The following CIB4 variants were observed in gnomAD, a reference collection of about 807,000 sequenced individuals.
CIB4 encodes calcium and integrin binding family member 4, also known as calcium and integrin-binding family member 4.
A neutral mutation model predicts 25.8 loss-of-function variants in CIB4; 25 were observed. The ratio of observed to expected loss-of-function variants is 0.97; its 90% CI spans 0.71 to 1.35. CIB4 has a LOEUF of 1.35. CIB4 is among the 40% of genes most tolerant of loss of function. The pLI is 0.00. For synonymous variants in CIB4, 75 were observed against 81.4 expected (o/e 0.92, Z 0.42); for missense variants, 235 against 228.2 (o/e 1.03, Z -0.19).
chr2:26,624,034 G>A (rs753093700), intron 3 of CIB4, among the ~76,000 whole-genome samples: 51 of 152,316 alleles, frequency 3.3e-4, no homozygotes, highest in African/African-American at 8.2e-4. Flanking sequence ...TCCTGTCCCC[G>A]TGCGGGACAT....
intron 4 of CIB4, among the ~76,000 whole-genome samples, chr2:26,588,858 A>G (rs1460468015): frequency 1.3e-5 from 2 of 152,158 alleles, no homozygotes; most frequent in African/African-American, 4.8e-5. Context: ...AGGTACAGAG[A>G]GAGGAGAGTG....
chr2:26,633,951 T>G (rs188757485), intron 2 of CIB4, among the ~76,000 whole-genome samples: 2 of 152,186 alleles, frequency 1.3e-5, no homozygotes, highest in Non-Finnish European at 2.9e-5. Flanking sequence ...CCCTCCAGTT[T>G]AGGTATCCTA....
intron 3 of CIB4, among the ~76,000 whole-genome samples, chr2:26,595,552 C>T (rs914181815): frequency 1.1e-4 from 17 of 152,158 alleles, no homozygotes; most frequent in Admixed American, 2.0e-4. Context: ...GCAAGGATGC[C>T]ACAATTGAAG....
rs1184325583 is a variant in CIB4 at position 26,589,072 on chromosome 2, C to CTCT, written c.329-5177_329-5175dup. Among the ~76,000 whole-genome samples, 61 of 40,828 alleles carry CTCT rather than the reference C, an allele frequency of 1.5e-3. 7 individuals carry two copies. Among genetic ancestry groups the CTCT allele is most frequent in the African/African-American group, 7.4e-3 (54 of 7,264 alleles). 26.8% of individuals were successfully genotyped at this position (40,828 alleles called of 152,430 possible). A position where few individuals can be genotyped will look rare whatever the true frequency, so the allele number is the denominator to read the frequency against. ...CTTCTTCTTCTTCCTCTTCCTCTTC[C>CTCT]TCTTCTTCTTCTTCTTCTTCTTCTT... is the stretch of plus-strand genomic sequence containing the variant. On this transcript the variant is annotated intron_variant, in intron 4 of 6. Transcript: ENST00000288861.
chr2:26,608,808 G>A (rs528649530), intron 3 of CIB4, among the ~76,000 whole-genome samples: 11 of 152,220 alleles, frequency 7.2e-5, no homozygotes, highest in African/African-American at 1.9e-4. Context: ...CCCCTGTCTC[G>A]TGGGTGGCCG....
At chr2:26,622,100 C>A (rs1572565535) in intron 3 of CIB4, among the ~76,000 whole-genome samples, 1 of 152,178 alleles carries the variant, frequency 6.6e-6, no homozygotes, top group Non-Finnish European at 1.5e-5. Context: ...GTGGCTCACG[C>A]CTGTAATCCC....
chr2:26,640,758 T>C (rs1179663956), intron 1 of CIB4, among the ~76,000 whole-genome samples, 191 bp from the exon 2 acceptor site: 2 of 152,154 alleles, frequency 1.3e-5, no homozygotes, highest in Non-Finnish European at 2.9e-5. Flanking sequence ...TACCCCCTAG[T>C]CTCTTACAGC....
intron 3 of CIB4, among the ~76,000 whole-genome samples, chr2:26,623,781 C>A (rs1461254406): frequency 6.6e-6 from 1 of 152,236 alleles, no homozygotes; most frequent in Non-Finnish European, 1.5e-5. Flanking sequence ...TCCACCCTAC[C>A]TGCTCCAAGG....
In CIB4 at chr2:26,610,362, C is replaced by T. The variant is rs183706106; in HGVS notation, c.187-15045G>A. ...ACTGCAGCCTCCTCTCACCAATAGC[C>T]GCCTCTCCCCCTGCCCACCCACTGC... On this transcript the variant is annotated intron_variant, in intron 3 of 6. Transcript: ENST00000288861. 2.2e-3 allele frequency among the ~76,000 whole-genome samples: 334 copies of T among 152,316 alleles called. 1 individual carries two copies. Among genetic ancestry groups the T allele is most frequent in the African/African-American group, 7.3e-3 (304 of 41,572 alleles).
chr2:26,632,927 T>C (rs1572573665), intron 2 of CIB4, among the ~76,000 whole-genome samples: 1 of 151,346 alleles, frequency 6.6e-6, no homozygotes, highest in South Asian at 2.1e-4. Flanking sequence ...AATGTTTTGG[T>C]TTTTTTTTAA....
chr2:26,636,806 T>C (rs1480647115), intron 2 of CIB4, among the ~76,000 whole-genome samples: 3 of 152,216 alleles, frequency 2.0e-5, no homozygotes, highest in African/African-American at 7.2e-5. Flanking sequence ...ATTTTGAATG[T>C]GTTTAGCCAC....
intron 3 of CIB4, among the ~76,000 whole-genome samples, chr2:26,620,328 G>T (rs751154080): frequency 1.3e-5 from 2 of 152,244 alleles, no homozygotes; most frequent in South Asian, 2.1e-4. Context: ...TGAAAGGAAG[G>T]TCAATTGCAA....
chr2:26,604,313 G>A (rs973111101), intron 3 of CIB4, among the ~76,000 whole-genome samples: 4 of 152,126 alleles, frequency 2.6e-5, no homozygotes, highest in East Asian at 1.9e-4. Flanking sequence ...TCAGGAGAAC[G>A]AAGCTGCAGT....
chr2:26,586,334 C>A (rs181932347), intron 4 of CIB4, among the ~76,000 whole-genome samples: 2 of 152,328 alleles, frequency 1.3e-5, no homozygotes, highest in Admixed American at 1.3e-4. Flanking sequence ...TCCCCCTCCT[C>A]GGGACACTCT....
chr2:26,582,253 C>T (rs757517239), intron 6 of CIB4, among the ~76,000 whole-genome samples: 2 of 152,336 alleles, frequency 1.3e-5, no homozygotes, highest in East Asian at 1.9e-4. Context: ...CTCCATGGCA[C>T]GCGCTGCCTC....
chr2:26,638,654 C>T (rs547952354), intron 2 of CIB4, among the ~76,000 whole-genome samples: 3 of 152,250 alleles, frequency 2.0e-5, no homozygotes, highest in South Asian at 4.2e-4. Flanking sequence ...TCTCACCCAT[C>T]GAAGTTCTAA....
At chr2:26,589,015 T>C (rs763222022) in intron 4 of CIB4, among the ~76,000 whole-genome samples, 3,638 of 29,670 alleles carry the variant, frequency 0.12, 367 homozygotes, top group South Asian at 0.22. Flanking sequence ...CTTCTTCTTC[T>C]TCTTCTTCTT....
chr2:26,588,202 G>A (rs141309970), intron 4 of CIB4, among the ~76,000 whole-genome samples: 199 of 152,378 alleles, frequency 1.3e-3, no homozygotes, highest in Non-Finnish European at 2.3e-3. Context: ...CAGAGACCCT[G>A]CGGTGTCCCC....
intron 3 of CIB4, among the ~76,000 whole-genome samples, chr2:26,601,194 T>C (rs1668775919): frequency 7.2e-6 from 1 of 138,106 alleles, no homozygotes; most frequent in Non-Finnish European, 1.5e-5. Context: ...CACTCCAGCC[T>C]GAGTGACAGA....
Sources: allele counts gnomAD v4.1 joint callset (sites outside exome capture counted in the v4.1 genomes callset), GRCh38; gene constraint gnomAD v4.1.1; transcripts MANE v1.5; gene names NCBI Gene and HGNC (gene_info 2026-07-23, HGNC 2026-07-21).